MAK: variants seen among roughly 807,000 people sequenced by gnomAD.
The protein encoded by MAK is male germ cell associated kinase.
A neutral mutation model predicts 82.6 loss-of-function variants in MAK; 65 were observed. The ratio of observed to expected loss-of-function variants is 0.79; its 90% confidence interval spans 0.64 to 0.97. The LOEUF (loss-of-function observed/expected upper bound fraction) is 0.97, where lower values mean the gene tolerates loss of function less well. Ranked by LOEUF, MAK falls within the 50% of genes least tolerant of loss-of-function variation. The pLI is 0.00. For synonymous variants in MAK, 250 were observed against 274.2 expected, an observed-to-expected ratio of 0.91 and a Z score of 0.87; for missense variants, 703 against 780.2, an observed-to-expected ratio of 0.90 and a Z score of 1.18.
intron 1 of MAK, among the ~76,000 whole-genome samples, chr6:10,835,898 CA>C (rs1779116893): frequency 6.6e-6 from 1 of 152,228 alleles, no homozygotes; most frequent in Non-Finnish European, 1.5e-5. Context: ...CCACCCCCAT[CA>C]CCACCGCCCT....
intron 5 of MAK, among the ~76,000 whole-genome samples, chr6:10,813,131 TATAA>T (rs1777167141): frequency 3.6e-3 from 3 of 822 alleles, no homozygotes; most frequent in Non-Finnish European, 5.5e-3. Flanking sequence ...TATATATATA[TATAA>T]ATTTTTTTTT....
At chr6:10,797,565 A>C in intron 8 of MAK, 1 of 982,826 alleles carries the variant, frequency 1.0e-6, no homozygotes. Context: ...CAGAATGTCT[A>C]AAGCCTGTGT....
chr6:10,811,788 T>C (rs1483302691), intron 5 of MAK, among the ~76,000 whole-genome samples: 2 of 152,180 alleles, frequency 1.3e-5, no homozygotes, highest in Non-Finnish European at 2.9e-5. Context: ...ATTCTAAACA[T>C]ACCCTTTTTA....
chr6:10,773,671 A>C (rs1042965619), intron 12 of MAK, among the ~76,000 whole-genome samples: 1 of 152,064 alleles, frequency 6.6e-6, no homozygotes, highest in South Asian at 2.1e-4. Context: ...TAGGCATTTA[A>C]AAAATAAAAC....
At chr6:10,772,633 G>A (rs974942103) in intron 13 of MAK, among the ~76,000 whole-genome samples, 6 of 151,870 alleles carry the variant, frequency 4.0e-5, no homozygotes, top group Admixed American at 1.3e-4. Flanking sequence ...GTGAGCCACC[G>A]CGCCCAGCCT....
chr6:10,795,355 C>G (rs1775448763), intron 9 of MAK, among the ~76,000 whole-genome samples: 1 of 151,204 alleles, frequency 6.6e-6, no homozygotes, highest in Non-Finnish European at 1.5e-5. Flanking sequence ...GGCAAGAGAA[C>G]TGCTTGAACC....
At chr6:10,822,336 C>A (rs1284327591) in intron 2 of MAK, among the ~76,000 whole-genome samples, 1 of 151,852 alleles carries the variant, frequency 6.6e-6, no homozygotes, top group African/African-American at 2.4e-5. Context: ...TGCCTATAAT[C>A]CCAGCTACTT....
intron 11 of MAK, among the ~76,000 whole-genome samples, chr6:10,778,145 T>C (rs983981140): frequency 3.9e-5 from 6 of 152,164 alleles, no homozygotes; most frequent in African/African-American, 1.4e-4. Flanking sequence ...AAAAGTCAGT[T>C]AGCAAATATT....
At chr6:10,780,439 A>G (rs1773853757) in intron 11 of MAK, among the ~76,000 whole-genome samples, 1 of 148,074 alleles carries the variant, frequency 6.8e-6, no homozygotes, top group Non-Finnish European at 1.5e-5. Flanking sequence ...TATTTCAGTC[A>G]GTGAAATGTA....
At chr6:10,804,406 G>A (rs579766) in intron 6 of MAK, among the ~76,000 whole-genome samples, 149,323 of 152,318 alleles carry the variant, frequency 0.98, 73,205 homozygotes, top group East Asian at 1. Flanking sequence ...GCAATGGCGC[G>A]GTCCCGGCTC....
Position 10,802,783 on chromosome 6 carries a change from T to G in MAK, c.664-724A>C, listed in dbSNP as rs1010867383. On this transcript the variant is annotated intron_variant, in intron 7 of 14. Transcript: ENST00000354489. ...ATACAATGTTAAAAATGCACATATC[T>G]GGGAAATGACAATTACATTAAAGCT... Among the ~76,000 whole-genome samples the G allele has an allele frequency of 3.3e-5, 5 of 152,332 alleles. No individual in the cohort carries two copies. In the East Asian group the frequency reaches 9.6e-4, roughly 29 times the overall value.
At chr6:10,780,500 G>A (rs992677963) in intron 11 of MAK, among the ~76,000 whole-genome samples, 2 of 144,664 alleles carry the variant, frequency 1.4e-5, no homozygotes, top group African/African-American at 5.2e-5. Flanking sequence ...CTGTTTCCAG[G>A]CTGGAGTGCA....
Position 10,818,956 on chromosome 6 carries a change from G to A in MAK, c.102-16C>T. ...TCTCTTCATCCTAAAATAAATTAGG[G>A]AAAGTTTAGTGTTCAGGGATTGAGG... On this transcript the variant is annotated splice_polypyrimidine_tract_variant and intron_variant, in intron 2 of 14. Coordinates refer to ENST00000354489, the MANE Select transcript of MAK (RefSeq NM_001242957.3). The A allele has an allele frequency of 1.4e-6, 2 of 1,467,980 alleles. No individual in the cohort carries two copies. Among genetic ancestry groups the A allele is most frequent in the African/African-American group, 1.4e-5 (1 of 72,302 alleles). 90.9% of individuals were successfully genotyped at this position (1,467,980 alleles called of 1,614,324 possible).
At chr6:10,829,801 T>C (rs1193453253) in intron 2 of MAK, among the ~76,000 whole-genome samples, 1 of 152,136 alleles carries the variant, frequency 6.6e-6, no homozygotes, top group East Asian at 1.9e-4. Context: ...AGCCAGATGC[T>C]ATTTGATCTA....
At chr6:10,811,544 C>A (rs1275028749) in intron 5 of MAK, among the ~76,000 whole-genome samples, 1 of 152,218 alleles carries the variant, frequency 6.6e-6, no homozygotes, top group Non-Finnish European at 1.5e-5. Context: ...CAGCATAAAT[C>A]AACCCAGGCA....
At chr6:10,785,297 G>A (rs1401702065) in intron 10 of MAK, among the ~76,000 whole-genome samples, 1 of 152,166 alleles carries the variant, frequency 6.6e-6, no homozygotes, top group Non-Finnish European at 1.5e-5. Flanking sequence ...AGTGCGTGAG[G>A]CGGCCATTGC....
At chr6:10,821,875 C>T (rs1435729308) in intron 2 of MAK, among the ~76,000 whole-genome samples, 6 of 150,212 alleles carry the variant, frequency 4.0e-5, no homozygotes, top group East Asian at 4.0e-4. Flanking sequence ...AGGCCGGGCA[C>T]GGTGGCTCAC....
At chr6:10,784,662 T>TCGCCCACCC (rs374889861) in intron 10 of MAK, 90 bp from the exon 11 acceptor site, 1,253 of 1,179,308 alleles carry the variant, frequency 1.1e-3, no homozygotes, top group Non-Finnish European at 1.3e-3. Context: ...TCTGCACATC[T>TCGCCCACCC]TCCTAAGCCA....
chr6:10,827,185 A>C (rs1778439306), intron 2 of MAK, among the ~76,000 whole-genome samples: 1 of 152,200 alleles, frequency 6.6e-6, no homozygotes. Flanking sequence ...GAAAAAAATG[A>C]TGGACATTTT....
Sources: allele counts gnomAD v4.1 joint callset (sites outside exome capture counted in the v4.1 genomes callset), GRCh38; gene constraint gnomAD v4.1.1; transcripts MANE v1.5; gene names NCBI Gene and HGNC (gene_info 2026-07-23, HGNC 2026-07-21).